CNTNAP2: variants seen among roughly 807,000 people sequenced by gnomAD.
CNTNAP2 encodes the protein contactin-associated protein-like 2.
CNTNAP2 carries 98 observed loss-of-function variants against 155.2 expected under a neutral mutation model. The ratio of observed to expected loss-of-function variants is 0.63; its 90% CI spans 0.54 to 0.75. The LOEUF is 0.75. Among genes scored for constraint, CNTNAP2 ranks in the 30% least tolerant of loss-of-function variants. The pLI is 0.00. For synonymous variants in CNTNAP2, 651 were observed against 631.2 expected (o/e 1.03, Z -0.47); for missense variants, 1,727 against 1,688.1 (o/e 1.02, Z -0.40).
intron 1 of CNTNAP2, among the ~76,000 whole-genome samples, chr7:146,312,156 T>G (rs941182025): frequency 1.3e-5 from 2 of 152,194 alleles, no homozygotes; most frequent in African/African-American, 2.4e-5. Flanking sequence ...GGATAAAAAG[T>G]GTTGACACCA....
intron 10 of CNTNAP2, among the ~76,000 whole-genome samples, chr7:147,403,512 A>C (rs889554805): frequency 2.0e-5 from 3 of 152,180 alleles, no homozygotes; most frequent in Non-Finnish European, 4.4e-5. Flanking sequence ...GATCACACCA[A>C]CCAGCAGACA....
At chr7:147,599,116 T>G (rs1420045335) in intron 12 of CNTNAP2, among the ~76,000 whole-genome samples, 2 of 152,098 alleles carry the variant, frequency 1.3e-5, no homozygotes, top group Admixed American at 6.6e-5. Flanking sequence ...ACTGCTTCCG[T>G]CTTTTGCCTA....
intron 1 of CNTNAP2, among the ~76,000 whole-genome samples, chr7:146,770,304 A>C (rs1257780478): frequency 7.1e-6 from 1 of 141,084 alleles, no homozygotes; most frequent in Non-Finnish European, 1.5e-5. Flanking sequence ...TTATATATAT[A>C]TATGTGTGTG....
chr7:146,491,917 C>T (rs700275), intron 1 of CNTNAP2, among the ~76,000 whole-genome samples: 1 of 151,614 alleles, frequency 6.6e-6, no homozygotes, highest in Non-Finnish European at 1.5e-5. Context: ...GTGATACCTC[C>T]CTGAAACTCT....
At chr7:147,373,488 A>G (rs1563180021) in intron 9 of CNTNAP2, among the ~76,000 whole-genome samples, 1 of 152,068 alleles carries the variant, frequency 6.6e-6, no homozygotes, top group African/African-American at 2.4e-5. Flanking sequence ...ATGTAGAATA[A>G]TTTTTTACTG....
chr7:147,783,833 T>C (rs1360719493), intron 13 of CNTNAP2, among the ~76,000 whole-genome samples: 2 of 152,156 alleles, frequency 1.3e-5, no homozygotes, highest in Non-Finnish European at 2.9e-5. Context: ...AAGCATGCCT[T>C]CACCAGACAC....
At chr7:148,191,151 T>A (rs190243781) in intron 18 of CNTNAP2, among the ~76,000 whole-genome samples, 9 of 152,324 alleles carry the variant, frequency 5.9e-5, no homozygotes, top group Admixed American at 2.0e-4. Context: ...TAATGGGAGA[T>A]GTTTAGGTCG....
At chr7:146,853,965 A>G (rs753236306) in intron 3 of CNTNAP2, among the ~76,000 whole-genome samples, 14 of 152,244 alleles carry the variant, frequency 9.2e-5, no homozygotes, top group Non-Finnish European at 2.1e-4. Flanking sequence ...TACATCTATT[A>G]GAAGTCAAAC....
chr7:146,821,799 A>G (rs1458985849), intron 2 of CNTNAP2, among the ~76,000 whole-genome samples: 6 of 151,730 alleles, frequency 4.0e-5, no homozygotes, highest in African/African-American at 4.9e-5. Flanking sequence ...TTAGAATGGC[A>G]ATCATTAAAA....
chr7:146,397,735 G>A (rs1042482721), intron 1 of CNTNAP2, among the ~76,000 whole-genome samples: 4 of 152,106 alleles, frequency 2.6e-5, no homozygotes, highest in South Asian at 2.1e-4. Context: ...AGACATGACA[G>A]TATATAAGTA....
intron 8 of CNTNAP2, among the ~76,000 whole-genome samples, chr7:147,159,590 G>T (rs1801988247): frequency 6.6e-6 from 1 of 152,084 alleles, no homozygotes; most frequent in Non-Finnish European, 1.5e-5. Context: ...TAAATATGCG[G>T]AACAAGGTAA....
At chr7:147,098,157 CT>C (rs1800583129) in intron 4 of CNTNAP2, among the ~76,000 whole-genome samples, 2 of 152,156 alleles carry the variant, frequency 1.3e-5, no homozygotes, top group Non-Finnish European at 2.9e-5. Context: ...TTTCCACGCC[CT>C]TTCTCCTCTC....
intron 1 of CNTNAP2, among the ~76,000 whole-genome samples, chr7:146,698,293 AT>A (rs796903508): frequency 1.3e-5 from 2 of 151,748 alleles, no homozygotes; most frequent in African/African-American, 2.4e-5. Context: ...AATCTGAGTC[AT>A]TTTTTTCTCT....
intron 8 of CNTNAP2, among the ~76,000 whole-genome samples, chr7:147,188,291 G>T (rs1052912896): frequency 9.2e-5 from 14 of 152,166 alleles, no homozygotes; most frequent in Non-Finnish European, 1.5e-4. Flanking sequence ...TGGTATCAGT[G>T]AAGGAAATGT....
intron 2 of CNTNAP2, among the ~76,000 whole-genome samples, chr7:146,824,649 C>G (rs1471786247): frequency 6.6e-6 from 1 of 152,058 alleles, no homozygotes; most frequent in African/African-American, 2.4e-5. Flanking sequence ...CGATCATGAG[C>G]TTTTTTTCAT....
intron 3 of CNTNAP2, among the ~76,000 whole-genome samples, chr7:146,998,139 G>C: frequency 6.6e-6 from 1 of 151,824 alleles, no homozygotes; most frequent in Middle Eastern, 3.4e-3. Flanking sequence ...GGTTGTTGGA[G>C]ATTTTTCATA....
chr7:147,981,822 T>G (rs912373687), intron 15 of CNTNAP2, among the ~76,000 whole-genome samples: 1 of 151,752 alleles, frequency 6.6e-6, no homozygotes, highest in Non-Finnish European at 1.5e-5. Context: ...TGTGTGGTTT[T>G]TTTTTTCTTT....
At chr7:147,621,355 G>T (rs1305661320) in intron 12 of CNTNAP2, among the ~76,000 whole-genome samples, 1 of 148,960 alleles carries the variant, frequency 6.7e-6, no homozygotes, top group Non-Finnish European at 1.5e-5. Flanking sequence ...CACAGTAACT[G>T]AGGTGTAAAC....
At chr7:147,619,015 G>C (rs1801345371) in intron 12 of CNTNAP2, among the ~76,000 whole-genome samples, 1 of 152,284 alleles carries the variant, frequency 6.6e-6, no homozygotes, top group Non-Finnish European at 1.5e-5. Context: ...TCCAGAGTAT[G>C]TTCCATACAT....
Sources: allele counts gnomAD v4.1 joint callset (sites outside exome capture counted in the v4.1 genomes callset), GRCh38; gene constraint gnomAD v4.1.1; transcripts MANE v1.5; gene names NCBI Gene and HGNC (gene_info 2026-07-23, HGNC 2026-07-21).